Variants in CERS6 observed in about 807,000 individuals in gnomAD.
The protein encoded by CERS6 is LAG1 homolog, ceramide synthase 6.
CERS6 carries 26 observed loss-of-function variants against 56.8 expected under a neutral mutation model. That is an observed-to-expected ratio of 0.46 (90% CI 0.34 to 0.63). CERS6 has a LOEUF of 0.63. CERS6 is among the 30% of genes least tolerant of loss of function. CERS6 has a pLI of 0.01. For missense variants in CERS6, 415 were observed against 467.5 expected (o/e 0.89, Z 1.04); for synonymous variants, 164 against 173.3 (o/e 0.95, Z 0.42).
intron 2 of CERS6, among the ~76,000 whole-genome samples, chr2:168,551,862 T>A (rs1041451085): frequency 6.6e-6 from 1 of 152,236 alleles, no homozygotes; most frequent in Non-Finnish European, 1.5e-5. Flanking sequence ...TTATGTTGTT[T>A]CTTAACTGGT....
intron 8 of CERS6, among the ~76,000 whole-genome samples, chr2:168,747,562 T>C (rs1684143313): frequency 6.6e-6 from 1 of 152,200 alleles, no homozygotes; most frequent in Non-Finnish European, 1.5e-5. Flanking sequence ...TGGATATATA[T>C]AGCCAAATTA....
intron 1 of CERS6, among the ~76,000 whole-genome samples, chr2:168,517,958 C>T (rs1353939832): frequency 6.6e-6 from 1 of 152,104 alleles, no homozygotes; most frequent in African/African-American, 2.4e-5. Context: ...TGAAATGGCA[C>T]AATAGTGTAT....
chr2:168,630,731 G>A (rs1203886815), intron 3 of CERS6, among the ~76,000 whole-genome samples: 2 of 152,078 alleles, frequency 1.3e-5, no homozygotes, highest in African/African-American at 4.8e-5. Flanking sequence ...ATGAGAAGAT[G>A]AGCAGTTGGG....
intron 5 of CERS6, 22 bp downstream of exon 5, chr2:168,691,106 G>A (rs756738273): frequency 6.2e-7 from 1 of 1,607,974 alleles, no homozygotes; most frequent in Non-Finnish European, 8.5e-7. Context: ...TTATTGTCTG[G>A]GTTTTTACAC....
intron 4 of CERS6, among the ~76,000 whole-genome samples, chr2:168,661,553 A>G (rs150911606): frequency 6.6e-6 from 1 of 152,308 alleles, no homozygotes; most frequent in East Asian, 1.9e-4. Context: ...TATTTCCTCC[A>G]GTGGTTCATT....
chr2:168,725,344 C>G (rs1316939022), intron 8 of CERS6, among the ~76,000 whole-genome samples: 1 of 152,260 alleles, frequency 6.6e-6, no homozygotes, highest in Non-Finnish European at 1.5e-5. Context: ...AAAGGGGCTC[C>G]CACAGTGCAG....
At chr2:168,599,888 C>G (rs75631557) in intron 3 of CERS6, among the ~76,000 whole-genome samples, 5,611 of 152,234 alleles carry the variant, frequency 0.037, 148 homozygotes, top group Non-Finnish European at 0.053. Context: ...GGTTGATACA[C>G]TAGTAGTAAG....
At chr2:168,696,361 T>C (rs1686647563) in intron 6 of CERS6, among the ~76,000 whole-genome samples, 1 of 152,206 alleles carries the variant, frequency 6.6e-6, no homozygotes, top group Admixed American at 6.5e-5. Context: ...TTAATGTCAC[T>C]GACAAACTTA....
At chr2:168,572,410 GAAGTA>G (rs1696005753) in intron 3 of CERS6, among the ~76,000 whole-genome samples, 1 of 152,014 alleles carries the variant, frequency 6.6e-6, no homozygotes. Flanking sequence ...CAAATAAAGA[GAAGTA>G]AAGAGAGGTG....
intron 8 of CERS6, among the ~76,000 whole-genome samples, chr2:168,719,240 A>G (rs1011987810): frequency 6.6e-6 from 1 of 152,118 alleles, no homozygotes; most frequent in Admixed American, 6.5e-5. Context: ...CCAGTTTATA[A>G]TTTGGGGTAT....
At chr2:168,686,567 A>G (rs1264222685) in intron 4 of CERS6, among the ~76,000 whole-genome samples, 2 of 152,084 alleles carry the variant, frequency 1.3e-5, no homozygotes, top group Non-Finnish European at 2.9e-5. Flanking sequence ...TGTTCTGTAG[A>G]TTACAGGATT....
chr2:168,648,422 A>G (rs536564246), intron 4 of CERS6, among the ~76,000 whole-genome samples: 1 of 152,064 alleles, frequency 6.6e-6, no homozygotes, highest in Admixed American at 6.6e-5. Context: ...TGTTTTCTTT[A>G]TGAATCTAGC....
At chr2:168,482,842 G>A (rs1203567123) in intron 1 of CERS6, among the ~76,000 whole-genome samples, 1 of 152,148 alleles carries the variant, frequency 6.6e-6, no homozygotes, top group African/African-American at 2.4e-5. Context: ...TCTCTAAATC[G>A]AAATAAAAAC....
chr2:168,763,812 T>G (rs72881722), intron 8 of CERS6, among the ~76,000 whole-genome samples: 8,038 of 152,246 alleles, frequency 0.053, 294 homozygotes, highest in Middle Eastern at 0.082. Context: ...GTGAGTTTTC[T>G]TGTGTGTCTC....
At chr2:168,656,531 G>A (rs1419612386) in intron 4 of CERS6, among the ~76,000 whole-genome samples, 3 of 151,858 alleles carry the variant, frequency 2.0e-5, no homozygotes, top group African/African-American at 4.8e-5. Context: ...GCAGACCTTC[G>A]CGGTGAGTGT....
chr2:168,643,456 A>G (rs944967877), intron 4 of CERS6, among the ~76,000 whole-genome samples: 2 of 152,178 alleles, frequency 1.3e-5, no homozygotes, highest in African/African-American at 4.8e-5. Context: ...GTTGATTTCT[A>G]TGTAGTACAA....
intron 3 of CERS6, among the ~76,000 whole-genome samples, chr2:168,570,763 T>G (rs1215924678): frequency 6.6e-6 from 1 of 152,176 alleles, no homozygotes; most frequent in Non-Finnish European, 1.5e-5. Flanking sequence ...AGTCTTTTAA[T>G]GTTGCCAAGC....
intron 3 of CERS6, among the ~76,000 whole-genome samples, chr2:168,569,319 A>G (rs550568673): frequency 1.9e-4 from 29 of 152,318 alleles, no homozygotes; most frequent in Admixed American, 1.4e-3. Flanking sequence ...AGGCAGTCAC[A>G]TTGGGAGGTA....
intron 4 of CERS6, among the ~76,000 whole-genome samples, chr2:168,653,567 G>A (rs1371714587): frequency 6.6e-6 from 1 of 152,206 alleles, no homozygotes. Flanking sequence ...TCTTAGATAT[G>A]TGTGAGTTAT....
Sources: gnomAD v4.1 joint callset for allele counts (sites outside exome capture counted in the v4.1 genomes callset) on GRCh38, gnomAD v4.1.1 for gene constraint, MANE v1.5 for transcripts, NCBI Gene and HGNC (gene_info 2026-07-23, HGNC 2026-07-21) for gene names.